Variants in NGEF observed in about 807,000 individuals in gnomAD.
NGEF encodes neuronal guanine nucleotide exchange factor.
NGEF carries 31 observed loss-of-function variants against 80.9 expected under a neutral mutation model. The ratio of observed to expected loss-of-function variants is 0.38; its 90% CI spans 0.29 to 0.52. The LOEUF (loss-of-function observed/expected upper bound fraction) is 0.52. Ranked by LOEUF, NGEF falls within the 20% of genes least tolerant of loss-of-function variation. The pLI, the probability that NGEF is intolerant of heterozygous loss-of-function variation, is 0.84. For missense variants in NGEF, 709 were observed against 926.2 expected, an observed-to-expected ratio of 0.77 and a Z score of 3.04; for synonymous variants, 371 against 370.2, an observed-to-expected ratio of 1.00 and a Z score of -0.03.
At chr2:232,907,179 G>GAAAAAAAAAAAAAAAAAAA (rs1455116424) in intron 5 of NGEF, among the ~76,000 whole-genome samples, 9 of 25,422 alleles carry the variant, frequency 3.5e-4, no homozygotes, top group Non-Finnish European at 5.8e-4. Flanking sequence ...AAAAAGAAAA[G>GAAAAAAAAAAAAAAAAAAA]AAAAAAAAGA....
At chr2:232,938,044 A>G (rs747790783) in intron 3 of NGEF, among the ~76,000 whole-genome samples, 52 of 152,152 alleles carry the variant, frequency 3.4e-4, no homozygotes, top group Non-Finnish European at 6.5e-4. Flanking sequence ...GACACCTACA[A>G]ACCCTTGTCT....
intron 1 of NGEF, among the ~76,000 whole-genome samples, chr2:232,986,726 TG>T (rs1378109435): frequency 6.6e-6 from 1 of 152,158 alleles, no homozygotes; most frequent in African/African-American, 2.4e-5. Flanking sequence ...AGGGGAGATG[TG>T]GGTCAAAGGG....
intron 1 of NGEF, among the ~76,000 whole-genome samples, chr2:233,002,472 G>A (rs903128465): frequency 1.3e-5 from 2 of 152,046 alleles, no homozygotes; most frequent in Admixed American, 1.3e-4. Context: ...CAGGCCAGGA[G>A]TTCGAGACCA....
intron 3 of NGEF, among the ~76,000 whole-genome samples, chr2:232,944,726 AATATATATATATATATATATATATAT>A (rs57851903): frequency 7.4e-5 from 8 of 108,722 alleles, no homozygotes; most frequent in Non-Finnish European, 1.3e-4. Context: ...GACTTTTCCG[AATATATATATATATATATATATATAT>A]ATATATATAT....
At chr2:232,964,792 A>G (rs972704015) in intron 3 of NGEF, among the ~76,000 whole-genome samples, 2 of 152,262 alleles carry the variant, frequency 1.3e-5, no homozygotes, top group African/African-American at 4.8e-5. Context: ...ACTGTAGAGT[A>G]CACACTGTGT....
At position 232,938,903 on chromosome 2, in the gene NGEF, G is replaced by A. The variant is rs1438335076; in HGVS notation, c.384-11717C>T. Among the ~76,000 whole-genome samples, 7 of 152,008 alleles carry A rather than the reference G, an allele frequency of 4.6e-5. No individual in the cohort carries two copies. In the South Asian group the frequency reaches 8.3e-4, roughly 18 times the overall value. Reference sequence around the variant, plus strand: ...TCTTAATTAGAACTCAAACTAGGCCGGGTGTGGTGGCTCATGCCTGTAATC... The same window carrying A: ...TCTTAATTAGAACTCAAACTAGGCCAGGTGTGGTGGCTCATGCCTGTAATC... On this transcript the variant is annotated intron_variant, in intron 3 of 14. Transcript: ENST00000264051.
In NGEF at chr2:232,879,422, C is replaced by CA. The variant is rs1491077731; in HGVS notation, c.*66_*67insT. ...GGTGCTGGCCTGTGCTTCCCAGAGC[C>CA]CCCCCCCCCCCACCTTCTGTCGGGG... On this transcript the variant is annotated 3_prime_UTR_variant, in exon 15 of 15. Coordinates refer to ENST00000264051, the MANE Select transcript of NGEF (RefSeq NM_019850.3). 1.4e-3 allele frequency: 284 copies of CA among 205,046 alleles called. 1 individual carries two copies. Among genetic ancestry groups the CA allele is most frequent in the South Asian group, 0.013 (260 of 19,288 alleles). The allele number at this position is 205,046 out of a possible 1,614,324, so 12.7% of individuals were successfully genotyped here. A position where few individuals can be genotyped will look rare whatever the true frequency, so the allele number is the denominator to read the frequency against.
At chr2:232,982,871 G>C (rs1007367062) in intron 1 of NGEF, among the ~76,000 whole-genome samples, 2 of 152,240 alleles carry the variant, frequency 1.3e-5, no homozygotes, top group Non-Finnish European at 1.5e-5. Flanking sequence ...GGAGGATTTA[G>C]ACAGAGGAAG....
intron 5 of NGEF, among the ~76,000 whole-genome samples, chr2:232,900,857 G>A (rs1013443535): frequency 6.6e-6 from 1 of 152,226 alleles, no homozygotes; most frequent in African/African-American, 2.4e-5. Flanking sequence ...CTGCCCGTGG[G>A]GCCAGGACCA....
intron 1 of NGEF, among the ~76,000 whole-genome samples, chr2:232,978,814 T>C (rs918382495): frequency 6.6e-6 from 1 of 152,186 alleles, no homozygotes; most frequent in Non-Finnish European, 1.5e-5. Context: ...CACTGCAGCC[T>C]CGACCTCATG....
chr2:232,927,943 G>T, intron 3 of NGEF: 1 of 1,346,082 alleles, frequency 7.4e-7, no homozygotes, highest in Non-Finnish European at 9.5e-7. Context: ...TTTCCGAGGT[G>T]GAACTGTCGT....
At chr2:232,944,726 AATATATAT>A (rs57851903) in intron 3 of NGEF, among the ~76,000 whole-genome samples, 2,146 of 108,698 alleles carry the variant, frequency 0.02, 103 homozygotes, top group African/African-American at 0.068. Flanking sequence ...GACTTTTCCG[AATATATAT>A]ATATATATAT....
At chr2:232,890,968 C>G in intron 8 of NGEF, 1 of 474,276 alleles carries the variant, frequency 2.1e-6, no homozygotes, top group Non-Finnish European at 4.4e-6. Flanking sequence ...AAGCGGTTCC[C>G]TCTGCGTGGA....
intron 3 of NGEF, among the ~76,000 whole-genome samples, chr2:232,933,768 G>A (rs1323784107): frequency 1.3e-5 from 2 of 152,122 alleles, no homozygotes; most frequent in South Asian, 4.1e-4. Context: ...TCCTAATGAC[G>A]CCCTTGCCCT....
At chr2:233,012,967 G>T (rs1695244411) in intron 1 of NGEF, 101 bp downstream of exon 1, 1 of 466,002 alleles carries the variant, frequency 2.1e-6, no homozygotes, top group Non-Finnish European at 4.4e-6. Flanking sequence ...GAATGGATGG[G>T]TGGTAATCTC....
intron 3 of NGEF, among the ~76,000 whole-genome samples, chr2:232,933,851 T>G (rs1190341622): frequency 3.3e-5 from 5 of 152,224 alleles, no homozygotes; most frequent in Non-Finnish European, 7.3e-5. Flanking sequence ...TGCCTGGCAC[T>G]GTGATGTTCT....
chr2:232,965,896 C>T (rs1053211656), intron 3 of NGEF, among the ~76,000 whole-genome samples: 2 of 151,994 alleles, frequency 1.3e-5, no homozygotes, highest in East Asian at 1.9e-4. Flanking sequence ...GCAAGCTGGA[C>T]TTGGTGTACA....
chr2:232,951,535 T>C (rs768852747), intron 3 of NGEF, among the ~76,000 whole-genome samples: 3 of 152,036 alleles, frequency 2.0e-5, no homozygotes, highest in East Asian at 3.9e-4. Flanking sequence ...AGGTCCTAAT[T>C]TGGAGGTTTT....
chr2:232,999,642 G>A (rs1238736735), intron 1 of NGEF, among the ~76,000 whole-genome samples: 4 of 152,362 alleles, frequency 2.6e-5, no homozygotes, highest in Admixed American at 6.5e-5. Context: ...GTGGCTCAGC[G>A]AGCCTCCGCC....
Sources: allele counts gnomAD v4.1 joint callset (sites outside exome capture counted in the v4.1 genomes callset), GRCh38; gene constraint gnomAD v4.1.1; transcripts MANE v1.5; gene names NCBI Gene and HGNC (gene_info 2026-07-23, HGNC 2026-07-21).